The following CCSER1 variants were observed in gnomAD, a reference collection of about 807,000 sequenced individuals.
CCSER1 encodes coiled-coil serine rich protein 1.
CCSER1 carries 41 observed loss-of-function variants against 82.0 expected under a neutral mutation model. The observed-to-expected ratio is 0.50, with a 90% confidence interval of 0.39 to 0.65. The LOEUF (loss-of-function observed/expected upper bound fraction) is 0.65. CCSER1 is among the 30% of genes least tolerant of loss of function. The pLI, the probability that CCSER1 is intolerant of heterozygous loss-of-function variation, is 0.00. For synonymous variants in CCSER1, 414 were observed against 383.9 expected (o/e 1.08, Z -0.92); for missense variants, 1,119 against 1,064.2 (o/e 1.05, Z -0.72).
intron 10 of CCSER1, among the ~76,000 whole-genome samples, chr4:91,300,061 T>G (rs1744547718): frequency 6.6e-6 from 1 of 151,982 alleles, no homozygotes; most frequent in Non-Finnish European, 1.5e-5. Flanking sequence ...TTTGTTGCCT[T>G]GACTTTGGAG....
Position 90,312,993 on chromosome 4 carries a change from T to G in CCSER1, c.1455T>G (p.Val485=). 1 of 1,604,876 alleles carries G rather than the reference T, an allele frequency of 6.2e-7. No individual in the cohort carries two copies. Among genetic ancestry groups the G allele is most frequent in the Non-Finnish European group, 8.5e-7 (1 of 1,175,188 alleles). ...CGAAAGATGGAAATATAGAAGAAGT[T>G]AATAGTTTAAGAAAGCAAAGAGCAG... ...LKPKDGNIEE[V]NSLRKQRAGS... The change falls in exon 3 of 11, where the codon GTT becomes GTG. Residue 485 remains valine (V), a synonymous_variant. Coordinates refer to ENST00000509176, the MANE Select transcript of CCSER1 (RefSeq NM_001145065.2).
At chr4:90,671,304 C>G in intron 6 of CCSER1, among the ~76,000 whole-genome samples, 1 of 151,946 alleles carries the variant, frequency 6.6e-6, no homozygotes, top group Non-Finnish European at 1.5e-5. Context: ...AGCATTTTAC[C>G]CAGAGTAGAA....
chr4:90,444,144 C>G (rs1234033995), intron 4 of CCSER1, among the ~76,000 whole-genome samples: 1 of 151,926 alleles, frequency 6.6e-6, no homozygotes, highest in African/African-American at 2.4e-5. Flanking sequence ...TTTCCTGCTT[C>G]CTTTTATCTT....
At chr4:91,232,262 T>G (rs1023410154) in intron 10 of CCSER1, among the ~76,000 whole-genome samples, 1 of 152,022 alleles carries the variant, frequency 6.6e-6, no homozygotes, top group African/African-American at 2.4e-5. Context: ...TGTGAAATAA[T>G]GTATATATAA....
intron 8 of CCSER1, among the ~76,000 whole-genome samples, chr4:90,911,882 C>T (rs987743403): frequency 1.3e-5 from 2 of 152,176 alleles, no homozygotes; most frequent in African/African-American, 4.8e-5. Context: ...TCGCTCATTG[C>T]TAGCACAGCA....
intron 1 of CCSER1, among the ~76,000 whole-genome samples, chr4:90,274,564 G>T (rs1328161152): frequency 6.6e-6 from 1 of 151,792 alleles, no homozygotes; most frequent in African/African-American, 2.4e-5. Flanking sequence ...ACTAGAATTG[G>T]GTATGAATAA....
rs181729317 is a variant in CCSER1 at position 91,501,356 on chromosome 4, G to A, written c.2218-97216G>A. Among the ~76,000 whole-genome samples, 526 of 151,754 alleles carry A rather than the reference G, an allele frequency of 3.5e-3. 4 individuals carry two copies. The highest frequency in any genetic ancestry group is 7.4e-3 in the Admixed American group (112 of 15,218). ...TTTTCCAGTTAGAAAATCTGTAATT[G>A]TAATTGGTTTAACCATTTACATTTA... On this transcript the variant is annotated intron_variant, in intron 10 of 10. Coordinates refer to ENST00000509176, the MANE Select transcript of CCSER1 (RefSeq NM_001145065.2).
chr4:90,895,803 A>G (rs565152218), intron 8 of CCSER1, among the ~76,000 whole-genome samples: 5 of 151,948 alleles, frequency 3.3e-5, no homozygotes, highest in African/African-American at 9.7e-5. Flanking sequence ...AGAGTAGTAT[A>G]TCATACAAAT....
intron 6 of CCSER1, among the ~76,000 whole-genome samples, chr4:90,692,503 T>C (rs1736185737): frequency 6.6e-6 from 1 of 151,970 alleles, no homozygotes; most frequent in South Asian, 2.1e-4. Context: ...GATTGTGTTA[T>C]AGGCATAATG....
intron 5 of CCSER1, among the ~76,000 whole-genome samples, chr4:90,540,940 G>C (rs936143891): frequency 6.6e-6 from 1 of 151,970 alleles, no homozygotes; most frequent in South Asian, 2.1e-4. Context: ...GCATGATAGA[G>C]GTCCAAACTA....
intron 9 of CCSER1, among the ~76,000 whole-genome samples, chr4:91,060,639 C>A (rs1203625272): frequency 6.6e-6 from 1 of 151,956 alleles, no homozygotes; most frequent in Non-Finnish European, 1.5e-5. Flanking sequence ...ACTTCTTCTT[C>A]AGGGTTAGTT....
chr4:90,685,052 C>G (rs1427776197), intron 6 of CCSER1, among the ~76,000 whole-genome samples: 1 of 152,098 alleles, frequency 6.6e-6, no homozygotes, highest in Non-Finnish European at 1.5e-5. Context: ...CAATTCCACT[C>G]ACTAATAATC....
At chr4:91,265,738 G>A (rs954884389) in intron 10 of CCSER1, among the ~76,000 whole-genome samples, 2 of 152,126 alleles carry the variant, frequency 1.3e-5, no homozygotes, top group African/African-American at 4.8e-5. Context: ...ATAAGCAAGT[G>A]GAAAGAATGA....
intron 1 of CCSER1, among the ~76,000 whole-genome samples, chr4:90,196,010 G>A (rs1192429026): frequency 6.6e-6 from 1 of 151,580 alleles, no homozygotes; most frequent in Non-Finnish European, 1.5e-5. Flanking sequence ...GTTCTCGTAT[G>A]CTAACAAAAC....
chr4:91,401,484 G>A (rs1212802675), intron 10 of CCSER1, among the ~76,000 whole-genome samples: 1 of 151,470 alleles, frequency 6.6e-6, no homozygotes, highest in Non-Finnish European at 1.5e-5. Flanking sequence ...GTGCCATGTT[G>A]GTGTGCTGCA....
chr4:90,935,695 G>C (rs1193381501), intron 9 of CCSER1, among the ~76,000 whole-genome samples: 1 of 152,086 alleles, frequency 6.6e-6, no homozygotes, highest in Non-Finnish European at 1.5e-5. Flanking sequence ...AAATTGGGTT[G>C]GGAAGTCCAG....
intron 10 of CCSER1, among the ~76,000 whole-genome samples, chr4:91,198,572 C>T (rs1025395468): frequency 2.0e-5 from 3 of 151,822 alleles, no homozygotes; most frequent in African/African-American, 7.3e-5. Flanking sequence ...AGAGTAGTAA[C>T]GGGGATAGAA....
At chr4:90,352,802 G>A (rs1049468162) in intron 3 of CCSER1, among the ~76,000 whole-genome samples, 3 of 152,032 alleles carry the variant, frequency 2.0e-5, no homozygotes, top group Non-Finnish European at 4.4e-5. Context: ...TGAGGACTAA[G>A]GAAAACAATG....
chr4:91,490,509 G>C (rs1027340082), intron 10 of CCSER1, among the ~76,000 whole-genome samples: 1 of 151,938 alleles, frequency 6.6e-6, no homozygotes, highest in Non-Finnish European at 1.5e-5. Flanking sequence ...TAAACTTCAC[G>C]TGTTATCATT....
Sources: gnomAD v4.1 joint callset for allele counts (sites outside exome capture counted in the v4.1 genomes callset) on GRCh38, gnomAD v4.1.1 for gene constraint, MANE v1.5 for transcripts, NCBI Gene and HGNC (gene_info 2026-07-23, HGNC 2026-07-21) for gene names.